Variants in PVALB observed in about 807,000 individuals in gnomAD.
PVALB encodes the protein parvalbumin alpha.
A neutral mutation model predicts 10.9 loss-of-function variants in PVALB; 11 were observed. That is an observed-to-expected ratio of 1.01 (90% CI 0.63 to 1.67). The LOEUF (loss-of-function observed/expected upper bound fraction) is 1.67. Ranked by LOEUF, PVALB falls within the 40% of genes most tolerant of loss-of-function variation. The pLI, the probability that PVALB is intolerant of heterozygous loss-of-function variation, is 0.00. For missense variants in PVALB, 131 were observed against 136.2 expected (o/e 0.96, Z 0.19); for synonymous variants, 57 against 50.7 (o/e 1.12, Z -0.53).
At chr22:36,816,830 G>A (rs1435791034) in intron 1 of PVALB, 115 bp downstream of exon 1, 3 of 860,046 alleles carry the variant, frequency 3.5e-6, no homozygotes, top group African/African-American at 1.8e-5. Flanking sequence ...CGCCCAGCGG[G>A]AAGTGTGGGC....
At chr22:36,812,423 C>T (rs974854809) in intron 3 of PVALB, among the ~76,000 whole-genome samples, 1 of 152,190 alleles carries the variant, frequency 6.6e-6, no homozygotes, top group African/African-American at 2.4e-5. Flanking sequence ...AGATTCTAGA[C>T]AGAAGGTACC....
At chr22:36,817,161 G>C (rs933150298), upstream of PVALB, 6 of 621,288 alleles carry the variant, frequency 9.7e-6, no homozygotes, top group South Asian at 2.7e-5. Context: ...TGAGCGCAGC[G>C]GGAGCGGCTC....
chr22:36,814,426 G>A (rs2067068), intron 2 of PVALB, among the ~76,000 whole-genome samples: 63,998 of 151,420 alleles, frequency 0.42, 15,458 homozygotes, highest in Middle Eastern at 0.58. Context: ...TACTTGAAAG[G>A]CCTCTCCCTA....
At chr22:36,819,213 G>T (rs1373331792), upstream of PVALB, among the ~76,000 whole-genome samples, 4 of 152,148 alleles carry the variant, frequency 2.6e-5, no homozygotes, top group African/African-American at 9.7e-5. Flanking sequence ...ACGGGGGGCG[G>T]TGGGTGGGGG....
intron 3 of PVALB, among the ~76,000 whole-genome samples, chr22:36,812,477 A>G (rs1039233057): frequency 1.3e-5 from 2 of 152,244 alleles, no homozygotes; most frequent in African/African-American, 2.4e-5. Flanking sequence ...TAACAAATAC[A>G]TATATAACAT....
At chr22:36,808,433 G>C (rs1369178204) in intron 3 of PVALB, among the ~76,000 whole-genome samples, 1 of 152,166 alleles carries the variant, frequency 6.6e-6, no homozygotes, top group Non-Finnish European at 1.5e-5. Flanking sequence ...GGACCACCGA[G>C]CCTCAGTTCT....
chr22:36,817,228 C>G, upstream of PVALB: 1 of 368,460 alleles, frequency 2.7e-6, no homozygotes, highest in Non-Finnish European at 4.8e-6. Flanking sequence ...CGCGGACCTG[C>G]TACCACTCCT....
At chr22:36,803,111 T>C (rs1211932055) in intron 3 of PVALB, among the ~76,000 whole-genome samples, 1 of 152,228 alleles carries the variant, frequency 6.6e-6, no homozygotes, top group Non-Finnish European at 1.5e-5. Context: ...TCCTCATGAC[T>C]ACTCCATGGG....
intron 3 of PVALB, among the ~76,000 whole-genome samples, chr22:36,803,036 A>G (rs1428562508): frequency 6.6e-6 from 1 of 152,216 alleles, no homozygotes; most frequent in African/African-American, 2.4e-5. Context: ...TATTAATTAT[A>G]GCTAGTAACT....
chr22:36,819,400 C>G (rs980953492), upstream of PVALB: 1 of 152,362 alleles, frequency 6.6e-6, no homozygotes, highest in African/African-American at 2.4e-5. Flanking sequence ...CTGCATCCCT[C>G]TATCCTCCAA....
intron 2 of PVALB, among the ~76,000 whole-genome samples, chr22:36,814,897 G>A (rs888760824): frequency 6.6e-6 from 1 of 152,156 alleles, no homozygotes; most frequent in African/African-American, 2.4e-5. Flanking sequence ...ACTTTCAGCT[G>A]AGGGTTTTAC....
At position 36,815,204 on chromosome 22, in the gene PVALB, G is replaced by A; in HGVS notation, c.93C>T (p.Phe31=). 1 of 1,614,190 alleles carries A rather than the reference G, an allele frequency of 6.2e-7. No homozygotes were observed. The highest frequency in any genetic ancestry group is 8.5e-7 in the Non-Finnish European group (1 of 1,180,024). ...ATDSFDHKKF[F]QMVGLKKKSA... The stretch of plus-strand genomic sequence containing the variant: ...TCTTTTTCTTCAGGCCGACCATTTG[G>A]AAGAACTTTTTGTGGTCGAAGGAGT... Residue 31 remains phenylalanine (F), a synonymous_variant, in exon 2 of 4, where the codon TTC becomes TTT. Transcript: ENST00000417718.
chr22:36,814,974 G>A (rs1188297594), intron 2 of PVALB, 129 bp downstream of exon 2: 5 of 1,250,700 alleles, frequency 4.0e-6, no homozygotes, highest in East Asian at 2.5e-5. Context: ...CTGCCTTCAC[G>A]CACGGTTACT....
chr22:36,814,722 T>C (rs1939109017), intron 2 of PVALB, among the ~76,000 whole-genome samples: 1 of 152,302 alleles, frequency 6.6e-6, no homozygotes, highest in East Asian at 1.9e-4. Flanking sequence ...AGGTGGAAAG[T>C]GTCTTTTAGA....
intron 3 of PVALB, 38 bp downstream of exon 3, chr22:36,813,608 T>C (rs767058148): frequency 3.3e-5 from 51 of 1,528,590 alleles, no homozygotes; most frequent in Non-Finnish European, 4.3e-5. Context: ...CACCCCAAGA[T>C]CCACAATATG....
chr22:36,800,831 G>A lies in PVALB; in HGVS notation c.*59C>T. ...ACAGAAATGCAGGAGGGTGGCGAGA[G>A]GGGCCGAGATTGGGTGTTCAGGGCA... On this transcript the variant is annotated 3_prime_UTR_variant, in exon 4 of 4. Transcript: ENST00000417718. 6.5e-7 allele frequency: 1 copy of A among 1,535,192 alleles called. No individual in the cohort carries two copies. The highest frequency in any genetic ancestry group is 1.7e-5 in the Admixed American group (1 of 59,884).
upstream of PVALB, chr22:36,817,132 G>A (rs1463696679): frequency 6.0e-6 from 5 of 828,486 alleles, no homozygotes; most frequent in African/African-American, 7.3e-5. Context: ...GCCTGGCATG[G>A]CGCCAGGGGC....
At chr22:36,808,492 A>G (rs930999296) in intron 3 of PVALB, among the ~76,000 whole-genome samples, 2 of 152,162 alleles carry the variant, frequency 1.3e-5, no homozygotes, top group Admixed American at 6.5e-5. Context: ...ACGATGCCTC[A>G]GTTTCTCCAC....
chr22:36,815,635 T>C (rs1241934582), intron 1 of PVALB, among the ~76,000 whole-genome samples: 1 of 152,012 alleles, frequency 6.6e-6, no homozygotes, highest in African/African-American at 2.4e-5. Flanking sequence ...ATGAACATGG[T>C]CCTGGGGTTA....
Sources: allele counts gnomAD v4.1 joint callset (sites outside exome capture counted in the v4.1 genomes callset), GRCh38; gene constraint gnomAD v4.1.1; transcripts MANE v1.5; gene names NCBI Gene and HGNC (gene_info 2026-07-23, HGNC 2026-07-21).